MAP3K14: variants seen among roughly 807,000 people sequenced by gnomAD.
MAP3K14 encodes NF-kappa-beta-inducing kinase.
Under a neutral mutation model 99.2 loss-of-function variants are expected in MAP3K14, and 16 were observed. The ratio of observed to expected loss-of-function variants is 0.16; its 90% CI spans 0.11 to 0.24. MAP3K14 has a LOEUF of 0.24. Ranked by LOEUF, MAP3K14 falls within the 10% of genes least tolerant of loss-of-function variation. The probability of loss-of-function intolerance (pLI) is 1.00; values close to 1 mark genes in which losing one functional copy is unlikely to be tolerated. For missense variants in MAP3K14, 784 were observed against 1,208.7 expected, an observed-to-expected ratio of 0.65 and a Z score of 5.21; for synonymous variants, 462 against 492.4, an observed-to-expected ratio of 0.94 and a Z score of 0.82.
In MAP3K14 at chr17:45,286,624, G is replaced by T. The variant is rs1036208234; in HGVS notation, c.959C>A (p.Pro320His). 6.2e-7 allele frequency: 1 copy of T among 1,610,850 alleles called. No individual in the cohort carries two copies. Among genetic ancestry groups the T allele is most frequent in the African/African-American group, 1.3e-5 (1 of 74,870 alleles). ...ATGGGCACCACGAGACAGGCAGCTG[G>T]GCTCCAGGTGTGGGCCAGGCAGGGG... Reference protein sequence around the residue: ...PKPLPGPHLEPSCLSRGAHEK... With the variant: ...PKPLPGPHLEHSCLSRGAHEK... The change falls in exon 5 of 16, where the codon CCC (proline) becomes CAC (histidine). Residue 320 changes from proline to histidine, a missense_variant. By Grantham distance (77) the Pro-to-His change is moderately conservative (BLOSUM62 -2). This residue lies in a region of MAP3K14 where 138 missense variants were observed against 164.1 expected (regional missense o/e 0.84). Coordinates refer to ENST00000344686, the MANE Select transcript of MAP3K14 (RefSeq NM_003954.5). This position sits in a 1 kb window ranked among gnomAD's most constrained non-coding sequence, Gnocchi z 4.1.
chr17:45,265,125 T>C (rs1188633190), intron 15 of MAP3K14, 38 bp downstream of exon 15: 5 of 1,516,650 alleles, frequency 3.3e-6, no homozygotes, highest in Non-Finnish European at 4.6e-6. Context: ...CATTGGCTTC[T>C]GGGACTCTGC....
intron 1 of MAP3K14, among the ~76,000 whole-genome samples, chr17:45,314,755 G>A (rs2044515822): frequency 6.6e-6 from 1 of 152,084 alleles, no homozygotes; most frequent in Non-Finnish European, 1.5e-5. Flanking sequence ...CCCCCAGAAA[G>A]AACATCTGTC....
At chr17:45,291,628 C>T (rs1256030215) in intron 1 of MAP3K14, among the ~76,000 whole-genome samples, 1 of 152,196 alleles carries the variant, frequency 6.6e-6, no homozygotes, top group African/African-American at 2.4e-5. Context: ...GAGTTGCCAA[C>T]AATCTGTGCA....
chr17:45,295,664 A>ACTG lies in MAP3K14; in HGVS notation c.-20-4902_-20-4900dup, dbSNP rs141849990. ...GTTGCAGAGGTGGGGTTGAACCTAG[A>ACTG]CTGCTGCCTCCTAAGCCGACATCTA... On this transcript the variant is annotated intron_variant, in intron 1 of 15. Coordinates refer to ENST00000344686, the MANE Select transcript of MAP3K14 (RefSeq NM_003954.5). 2.0e-3 allele frequency among the ~76,000 whole-genome samples: 310 copies of ACTG among 152,328 alleles called. 1 individual carries two copies. The highest frequency in any genetic ancestry group is 6.9e-3 in the African/African-American group (286 of 41,582).
chr17:45,303,984 A>G (rs185780898), intron 1 of MAP3K14, among the ~76,000 whole-genome samples: 12 of 150,908 alleles, frequency 8.0e-5, no homozygotes, highest in African/African-American at 2.9e-4. Context: ...CCATCTCAGC[A>G]CATTTAGATT....
intron 6 of MAP3K14, among the ~76,000 whole-genome samples, chr17:45,276,144 T>C (rs1463351695): frequency 6.6e-6 from 1 of 152,130 alleles, no homozygotes; most frequent in Admixed American, 6.5e-5. Context: ...TCCCAGCATC[T>C]GGGAACTTAA....
intron 1 of MAP3K14, among the ~76,000 whole-genome samples, chr17:45,302,809 T>C (rs969810040): frequency 6.6e-6 from 1 of 151,902 alleles, no homozygotes; most frequent in African/African-American, 2.4e-5. Flanking sequence ...AGAAAGTCTG[T>C]GGCTCTTCTG....
chr17:45,274,667 C>A, intron 6 of MAP3K14, 74 bp from the exon 7 acceptor site: 3 of 1,540,546 alleles, frequency 1.9e-6, no homozygotes, highest in Non-Finnish European at 2.6e-6. Context: ...CCTGTCAGCA[C>A]CCTAGTGCTC....
intron 14 of MAP3K14, 82 bp from the exon 15 acceptor site, chr17:45,265,345 G>A (rs1385258539): frequency 1.3e-5 from 12 of 905,842 alleles, no homozygotes; most frequent in African/African-American, 6.5e-5. Flanking sequence ...CTGGGGGAAC[G>A]TTTTTGTTAA....
chr17:45,268,880 G>A (rs113748588), intron 11 of MAP3K14, among the ~76,000 whole-genome samples: 1 of 152,092 alleles, frequency 6.6e-6, no homozygotes, highest in Non-Finnish European at 1.5e-5. Context: ...ACGTCTGCCT[G>A]AGTGCAGCCA....
At position 45,312,107 on chromosome 17, in the gene MAP3K14, C is replaced by T. The variant is rs1198375233; in HGVS notation, c.-21+4853G>A. Among the ~76,000 whole-genome samples the T allele has an allele frequency of 2.0e-5, 3 of 152,258 alleles. No homozygotes were observed. The East Asian group carries it at 5.8e-4, about 29-fold the overall frequency. ...GGTCTGCTCAGGACTTTCTCTGCAA[C>T]TGTGCTGGGGAATAAATCGCCTGTC... On this transcript the variant is annotated intron_variant, in intron 1 of 15. Coordinates refer to ENST00000344686, the MANE Select transcript of MAP3K14 (RefSeq NM_003954.5).
At chr17:45,302,745 C>T (rs1025834331) in intron 1 of MAP3K14, among the ~76,000 whole-genome samples, 7 of 152,212 alleles carry the variant, frequency 4.6e-5, no homozygotes, top group Admixed American at 6.5e-5. Context: ...ACCGTGTGCG[C>T]GCACATGCAC....
chr17:45,273,973 A>G, intron 8 of MAP3K14, 150 bp downstream of exon 8: 1 of 921,366 alleles, frequency 1.1e-6, no homozygotes, highest in Non-Finnish European at 1.6e-6. Flanking sequence ...GGAGAACATC[A>G]TTCCCCTTCC....
chr17:45,284,181 C>T (rs2044245301), intron 6 of MAP3K14, among the ~76,000 whole-genome samples: 1 of 152,234 alleles, frequency 6.6e-6, no homozygotes, highest in Non-Finnish European at 1.5e-5. Flanking sequence ...CTATCTTCTT[C>T]CCTCTTCTTC....
chr17:45,308,905 G>C (rs2044450148), intron 1 of MAP3K14, among the ~76,000 whole-genome samples: 1 of 152,106 alleles, frequency 6.6e-6, no homozygotes, highest in Non-Finnish European at 1.5e-5. Flanking sequence ...GGCCTCAAGT[G>C]GTCTGCCTGT....
At chr17:45,300,223 G>T (rs1006977167) in intron 1 of MAP3K14, among the ~76,000 whole-genome samples, 4 of 152,186 alleles carry the variant, frequency 2.6e-5, no homozygotes, top group African/African-American at 9.7e-5. Context: ...CCCTAGCCGT[G>T]CAGAAACTAC....
chr17:45,270,782 A>G (rs2044136924), intron 10 of MAP3K14: 1 of 771,856 alleles, frequency 1.3e-6, no homozygotes, highest in Non-Finnish European at 2.0e-6. Context: ...AGACGCCCAC[A>G]GCCTCCAGGC....
intron 1 of MAP3K14, among the ~76,000 whole-genome samples, chr17:45,307,824 A>G (rs1410064482): frequency 6.6e-6 from 1 of 152,246 alleles, no homozygotes; most frequent in Non-Finnish European, 1.5e-5. Flanking sequence ...TAAACAAGAA[A>G]CCCAAAGAAC....
In MAP3K14 at chr17:45,284,808, G is replaced by C; in HGVS notation, c.1290+4C>G. 6.3e-7 allele frequency: 1 copy of C among 1,590,790 alleles called. No homozygotes were observed. Among genetic ancestry groups the C allele is most frequent in the Non-Finnish European group, 8.6e-7 (1 of 1,169,088 alleles). On this transcript the variant is annotated splice_donor_region_variant and intron_variant, in intron 6 of 15. Transcript: ENST00000344686. ...CTTCACTCAGCCCCTGAGCCCTGGCGTACCTTTTTGACAGCGCACTGGAAG... is the reference window on the plus strand; with the variant it reads ...CTTCACTCAGCCCCTGAGCCCTGGCCTACCTTTTTGACAGCGCACTGGAAG...
Sources: gnomAD v4.1 joint callset for allele counts (sites outside exome capture counted in the v4.1 genomes callset) on GRCh38, gnomAD v4.1.1 for gene constraint, gnomAD v4.1.1 regional missense constraint, Gnocchi (gnomAD v3.1) non-coding constraint, MANE v1.5 for transcripts, NCBI Gene and HGNC (gene_info 2026-07-23, HGNC 2026-07-21) for gene names.